DSE: variants seen among roughly 807,000 people sequenced by gnomAD.
DSE encodes the protein dermatan sulfate epimerase, also known as dermatan-sulfate epimerase.
In DSE, 36 loss-of-function variants were observed where a neutral mutation model predicts 84.4. That is an observed-to-expected ratio of 0.43 (90% CI 0.33 to 0.56). The LOEUF (loss-of-function observed/expected upper bound fraction) is 0.56. Among genes scored for constraint, DSE ranks in the 20% least tolerant of loss-of-function variants. DSE has a pLI of 0.06. For missense variants in DSE, 862 were observed against 1,169.6 expected (o/e 0.74, Z 3.84); for synonymous variants, 410 against 430.1 (o/e 0.95, Z 0.58).
Position 116,279,737 on chromosome 6 carries a change from G to C in DSE, c.-54+20770G>C. 1 of 1,611,888 alleles carries C rather than the reference G, an allele frequency of 6.2e-7. No homozygotes were observed. The highest frequency in any genetic ancestry group is 8.5e-7 in the Non-Finnish European group (1 of 1,180,038). ...CTTTGGTCGCGGAGCCTCAGGTACTGGTGTGCGTCCTGGTCGCTCGGGACT... is the reference window on the plus strand; with the variant it reads ...CTTTGGTCGCGGAGCCTCAGGTACTCGTGTGCGTCCTGGTCGCTCGGGACT... On this transcript the variant is annotated intron_variant, in intron 2 of 3. Coordinates refer to the DSE transcript ENST00000430252.
chr6:116,339,075 GTCT>G (rs71677954), intron 2 of DSE, among the ~76,000 whole-genome samples: 6,896 of 152,192 alleles, frequency 0.045, 513 homozygotes, highest in African/African-American at 0.15. Flanking sequence ...AAATGAGTTG[GTCT>G]TCTTGTCTGT....
At chr6:116,380,085 T>A (rs966053790) in intron 1 of DSE, among the ~76,000 whole-genome samples, 1 of 152,194 alleles carries the variant, frequency 6.6e-6, no homozygotes. Context: ...ATTGCAAGTT[T>A]TAGAAAAGAT....
At chr6:116,428,686 C>T (rs574925698) in intron 3 of DSE, among the ~76,000 whole-genome samples, 3 of 152,230 alleles carry the variant, frequency 2.0e-5, no homozygotes, top group African/African-American at 7.2e-5. Flanking sequence ...TAAATGATTA[C>T]ACCATAGTTA....
rs143226402 is a variant in DSE, at chr6:116,437,229, A to G, written c.2761A>G (p.Thr921Ala). 68 of 1,613,920 alleles carry G rather than the reference A, an allele frequency of 4.2e-5. No homozygotes were observed. In the African/African-American group the frequency reaches 5.2e-4, roughly 12 times the overall value. The change falls in exon 6 of 6, where the codon ACT (threonine) becomes GCT (alanine). Residue 921 changes from threonine to alanine, a missense_variant. Thr to Ala is a moderately conservative substitution (Grantham distance 58). This residue lies in a region of DSE where 315 missense variants were observed against 348.1 expected (regional missense o/e 0.90). Coordinates refer to ENST00000644252, the MANE Select transcript of DSE (RefSeq NM_013352.4). ...CTTTGTCATGTTGGCAATGCAACTG[A>G]CTTATTTCCAGAGGGCCCAGAGCCT... ...IFFVMLAMQL[T>A]YFQRAQSLHG...
chr6:116,375,454 TG>T, intron 1 of DSE: 1 of 824,590 alleles, frequency 1.2e-6, no homozygotes, highest in South Asian at 5.6e-5. Context: ...CAGTGAGCTA[TG>T]GTCACACCAC....
intron 2 of DSE, among the ~76,000 whole-genome samples, chr6:116,319,571 G>A (rs994528559): frequency 1.3e-5 from 2 of 152,176 alleles, no homozygotes; most frequent in Non-Finnish European, 2.9e-5. Context: ...TGAAGTGAAC[G>A]TATTTGTTGA....
intron 2 of DSE, among the ~76,000 whole-genome samples, chr6:116,300,409 A>G (rs1774962826): frequency 6.6e-6 from 1 of 152,206 alleles, no homozygotes; most frequent in African/African-American, 2.4e-5. Flanking sequence ...TCAAATGCAC[A>G]AGTTCCTTAA....
intron 2 of DSE, among the ~76,000 whole-genome samples, chr6:116,331,022 A>G (rs1272396645): frequency 6.6e-6 from 1 of 152,238 alleles, no homozygotes; most frequent in Non-Finnish European, 1.5e-5. Context: ...GGAAAAAATT[A>G]TATGATAATT....
intron 2 of DSE, among the ~76,000 whole-genome samples, chr6:116,273,517 T>C (rs1463883727): frequency 6.6e-6 from 1 of 152,202 alleles, no homozygotes; most frequent in East Asian, 1.9e-4. Context: ...CTGTCACTTC[T>C]ATATAGTCTA....
intron 2 of DSE, among the ~76,000 whole-genome samples, chr6:116,285,893 T>C (rs1773872703): frequency 6.6e-6 from 1 of 152,232 alleles, no homozygotes; most frequent in South Asian, 2.1e-4. Context: ...TCTGTTTTGG[T>C]ACCAGTACCA....
chr6:116,381,981 A>T (rs1419014505), intron 1 of DSE, among the ~76,000 whole-genome samples: 1 of 151,406 alleles, frequency 6.6e-6, no homozygotes, highest in African/African-American at 2.4e-5. Flanking sequence ...AATCTTTGGC[A>T]TGCTCATCTT....
chr6:116,313,236 T>G (rs1017558079), intron 2 of DSE, among the ~76,000 whole-genome samples: 1 of 152,196 alleles, frequency 6.6e-6, no homozygotes, highest in Non-Finnish European at 1.5e-5. Context: ...CCTGTAGGCT[T>G]CAGAAGGAGC....
rs751226438 is a variant in DSE at position 116,364,078 on chromosome 6, C to T, written c.-53-35120C>T. On this transcript the variant is annotated intron_variant, in intron 2 of 3. Coordinates refer to the DSE transcript ENST00000430252. ...TGTTAACCTTGGTTTCTTTGTAAAA[C>T]AAAATGGTTAGAATATAATTATTCC... 3.3e-5 allele frequency among the ~76,000 whole-genome samples: 5 copies of T among 152,302 alleles called. No homozygotes were observed. In the East Asian group the frequency reaches 5.8e-4, roughly 18 times the overall value.
At chr6:116,395,102 GTGTGTT>G (rs1247064198) in intron 1 of DSE, among the ~76,000 whole-genome samples, 1 of 152,262 alleles carries the variant, frequency 6.6e-6, no homozygotes, top group African/African-American at 2.4e-5. Context: ...GAGATAGTGT[GTGTGTT>G]TGTGTTTGTT....
intron 2 of DSE, among the ~76,000 whole-genome samples, chr6:116,307,935 C>A (rs915744559): frequency 6.6e-6 from 1 of 152,204 alleles, no homozygotes; most frequent in Non-Finnish European, 1.5e-5. Flanking sequence ...CTAATTCTTT[C>A]AATAGTCATC....
intron 2 of DSE, among the ~76,000 whole-genome samples, chr6:116,275,670 C>G (rs1288094117): frequency 6.6e-6 from 1 of 152,018 alleles, no homozygotes; most frequent in Non-Finnish European, 1.5e-5. Context: ...CGTGGTAGCA[C>G]GTGCCTGTAG....
intron 2 of DSE, among the ~76,000 whole-genome samples, chr6:116,323,370 A>G (rs953771032): frequency 1.3e-5 from 2 of 152,196 alleles, no homozygotes; most frequent in African/African-American, 4.8e-5. Context: ...TAAGCTAATA[A>G]TTAATTTGGA....
chr6:116,369,828 T>G, upstream of DSE: 49 of 1,089,600 alleles, frequency 4.5e-5, no homozygotes, highest in Non-Finnish European at 5.7e-5. Flanking sequence ...CAAATAGAAG[T>G]GAGAACCTCT....
chr6:116,279,870 T>G, intron 2 of DSE: 4 of 1,613,052 alleles, frequency 2.5e-6, no homozygotes, highest in Non-Finnish European at 3.4e-6. Flanking sequence ...AACGCCCGTT[T>G]TCCTCAGAGG....
Sources: gnomAD v4.1 joint callset for allele counts (sites outside exome capture counted in the v4.1 genomes callset) on GRCh38, gnomAD v4.1.1 for gene constraint, gnomAD v4.1.1 regional missense constraint, MANE v1.5 for transcripts, NCBI Gene and HGNC (gene_info 2026-07-23, HGNC 2026-07-21) for gene names.